ZNG1E: variants seen among roughly 807,000 people sequenced by gnomAD.
The protein encoded by ZNG1E is Zn regulated GTPase metalloprotein activator 1E.
At chr9:65,667,187 T>A in the ZNG1E span, among the ~76,000 whole-genome samples, 1 of 152,234 alleles carries the variant, frequency 6.6e-6, no homozygotes, top group East Asian at 1.9e-4. Flanking sequence ...AGCACTATTA[T>A]CAAGATGCAA....
chr9:65,672,542 A>C, the ZNG1E span, among the ~76,000 whole-genome samples: 7 of 151,942 alleles, frequency 4.6e-5, no homozygotes, highest in South Asian at 1.5e-3. Context: ...TCAGGAGTTC[A>C]AGACCAGCCT....
At chr9:65,667,962 C>T in the ZNG1E span, among the ~76,000 whole-genome samples, 2 of 140,554 alleles carry the variant, frequency 1.4e-5, no homozygotes, top group South Asian at 4.9e-4. Flanking sequence ...CACCATTGTA[C>T]TCCAGCCTGG....
the ZNG1E span, among the ~76,000 whole-genome samples, chr9:65,668,623 T>G: frequency 7.0e-6 from 1 of 142,628 alleles, no homozygotes; most frequent in Admixed American, 7.2e-5. Flanking sequence ...CTCAAACTCC[T>G]AGGCTTGCGT....
At chr9:65,678,188 C>A in the ZNG1E span, among the ~76,000 whole-genome samples, 1 of 144,488 alleles carries the variant, frequency 6.9e-6, no homozygotes, top group African/African-American at 2.6e-5. Flanking sequence ...TCAGTTTTCA[C>A]ATCACTGCCC....
the ZNG1E span, chr9:65,720,117 A>G: frequency 1.3e-6 from 2 of 1,593,788 alleles, no homozygotes; most frequent in Non-Finnish European, 1.7e-6. Context: ...TCTAAATCTA[A>G]AATTCCTAAT....
At chr9:65,683,888 A>G in the ZNG1E span, among the ~76,000 whole-genome samples, 6 of 152,276 alleles carry the variant, frequency 3.9e-5, no homozygotes, top group African/African-American at 1.4e-4. Flanking sequence ...GGCGTTAAAT[A>G]TTATTTGAAT....
the ZNG1E span, among the ~76,000 whole-genome samples, chr9:65,660,564 C>T: frequency 2.0e-5 from 3 of 152,188 alleles, no homozygotes; most frequent in South Asian, 2.1e-4. Context: ...GGGGAGGATA[C>T]CTGTAACTTT....
the ZNG1E span, among the ~76,000 whole-genome samples, chr9:65,686,652 A>G: frequency 6.6e-6 from 1 of 152,338 alleles, no homozygotes; most frequent in South Asian, 2.1e-4. Flanking sequence ...ATAAATAAAT[A>G]AATAAAAAAT....
the ZNG1E span, among the ~76,000 whole-genome samples, chr9:65,693,703 G>A: frequency 7.3e-5 from 11 of 151,376 alleles, no homozygotes; most frequent in African/African-American, 2.7e-4. Context: ...GATTACAGGT[G>A]CACACCACCA....
At chr9:65,659,263 G>T in the ZNG1E span, among the ~76,000 whole-genome samples, 1 of 144,772 alleles carries the variant, frequency 6.9e-6, no homozygotes, top group African/African-American at 2.5e-5. Flanking sequence ...TTTAGGAGGC[G>T]AGGAGGATGG....
At chr9:65,654,911 C>A in the ZNG1E span, among the ~76,000 whole-genome samples, 2 of 150,554 alleles carry the variant, frequency 1.3e-5, no homozygotes, top group African/African-American at 4.9e-5. Flanking sequence ...TTGCCACAGT[C>A]CTTAGGAGCC....
At chr9:65,720,983 A>AAC in the ZNG1E span, among the ~76,000 whole-genome samples, 12 of 147,992 alleles carry the variant, frequency 8.1e-5, no homozygotes, top group Admixed American at 7.9e-4. Flanking sequence ...AAAAAAAAAA[A>AAC]AAAAAACCCA....
At chr9:65,710,670 T>A in the ZNG1E span, among the ~76,000 whole-genome samples, 1 of 151,452 alleles carries the variant, frequency 6.6e-6, no homozygotes, top group Non-Finnish European at 1.5e-5. Flanking sequence ...GTTGTAGATA[T>A]GCGGCGTTAT....
chr9:65,658,062 G>C, the ZNG1E span, among the ~76,000 whole-genome samples: 6 of 149,262 alleles, frequency 4.0e-5, no homozygotes, highest in Non-Finnish European at 8.8e-5. Context: ...CCGCACCATT[G>C]CACTCCAGCC....
chr9:65,659,069 G>T, the ZNG1E span, among the ~76,000 whole-genome samples: 2 of 152,196 alleles, frequency 1.3e-5, no homozygotes, highest in East Asian at 1.9e-4. Flanking sequence ...TGGAAACAAA[G>T]TGAAAATCCT....
At chr9:65,678,460 A>G in the ZNG1E span, among the ~76,000 whole-genome samples, 2 of 141,768 alleles carry the variant, frequency 1.4e-5, no homozygotes, top group East Asian at 3.9e-4. Flanking sequence ...TTTATTTCAG[A>G]AGACATGTAT....
the ZNG1E span, chr9:65,693,589 A>G: frequency 6.0e-5 from 52 of 869,490 alleles, no homozygotes; most frequent in South Asian, 7.4e-4. Context: ...ACAGAGTCTC[A>G]CTCTGTTGCC....
chr9:65,703,766 C>T, the ZNG1E span: 1 of 970,342 alleles, frequency 1.0e-6, no homozygotes. Flanking sequence ...GGCTTGTCTG[C>T]TATGGCAGAG....
chr9:65,711,468 T>G, the ZNG1E span, among the ~76,000 whole-genome samples: 1 of 125,594 alleles, frequency 8.0e-6, no homozygotes, highest in East Asian at 2.2e-4. Context: ...TTTGCCCATT[T>G]AGTATGATAT....
Sources: allele counts gnomAD v4.1 joint callset (sites outside exome capture counted in the v4.1 genomes callset), GRCh38; gene constraint gnomAD v4.1.1; transcripts MANE v1.5; gene names NCBI Gene and HGNC (gene_info 2026-07-23, HGNC 2026-07-21).